Variants in CELF4 observed in about 807,000 individuals in gnomAD.
The protein encoded by CELF4 is CUGBP Elav-like family member 4.
CELF4 carries 18 observed loss-of-function variants against 59.9 expected under a neutral mutation model. The ratio of observed to expected loss-of-function variants is 0.30; its 90% CI spans 0.21 to 0.45. The LOEUF is 0.45. Among genes scored for constraint, CELF4 ranks in the 20% least tolerant of loss-of-function variants. CELF4 has a pLI of 1.00. For missense variants in CELF4, 456 were observed against 689.0 expected, an observed-to-expected ratio of 0.66 and a Z score of 3.79; for synonymous variants, 261 against 267.1, an observed-to-expected ratio of 0.98 and a Z score of 0.22.
chr18:37,414,623 G>A (rs1295937630), intron 2 of CELF4, among the ~76,000 whole-genome samples: 4 of 148,034 alleles, frequency 2.7e-5, no homozygotes, highest in Non-Finnish European at 4.4e-5. Flanking sequence ...TCAGCCTCCC[G>A]AGTAGCTGGG....
intron 1 of CELF4, among the ~76,000 whole-genome samples, chr18:37,557,622 A>T (rs1031473367): frequency 1.3e-5 from 2 of 152,220 alleles, no homozygotes; most frequent in Admixed American, 6.5e-5. Flanking sequence ...AGCAGAGTGC[A>T]TTGCAATAAA....
chr18:37,251,461 G>T (rs58298238), intron 12 of CELF4, among the ~76,000 whole-genome samples: 16,173 of 152,114 alleles, frequency 0.11, 1,090 homozygotes, highest in Non-Finnish European at 0.13. Context: ...TTTTATCCTG[G>T]CTTGAGCCAA....
chr18:37,416,660 G>A (rs1357101001), intron 2 of CELF4, among the ~76,000 whole-genome samples: 1 of 152,176 alleles, frequency 6.6e-6, no homozygotes, highest in Non-Finnish European at 1.5e-5. Context: ...AGCCTGGGGG[G>A]CCTCTCTGTC....
At chr18:37,315,533 A>G (rs2096837639) in intron 3 of CELF4, among the ~76,000 whole-genome samples, 1 of 152,138 alleles carries the variant, frequency 6.6e-6, no homozygotes, top group Admixed American at 6.5e-5. Context: ...ACCTCCTAGC[A>G]GTAACCATCA....
At chr18:37,359,071 C>T (rs2154558822) in intron 2 of CELF4, among the ~76,000 whole-genome samples, 1 of 152,150 alleles carries the variant, frequency 6.6e-6, no homozygotes, top group East Asian at 1.9e-4. Flanking sequence ...GTACTCCAGC[C>T]TGGGCGACAC....
intron 1 of CELF4, among the ~76,000 whole-genome samples, chr18:37,517,394 G>T (rs759318999): frequency 6.6e-6 from 1 of 152,066 alleles, no homozygotes; most frequent in Non-Finnish European, 1.5e-5. Flanking sequence ...GGTTCCCAGG[G>T]TGGCTTTTGG....
chr18:37,401,009 T>G (rs1180756145), intron 2 of CELF4, among the ~76,000 whole-genome samples: 2 of 152,152 alleles, frequency 1.3e-5, no homozygotes, highest in African/African-American at 4.8e-5. Context: ...GCAGGGGCCC[T>G]GGGGGCTGGC....
intron 3 of CELF4, among the ~76,000 whole-genome samples, chr18:37,308,007 G>A (rs900798893): frequency 6.6e-6 from 1 of 152,086 alleles, no homozygotes; most frequent in Admixed American, 6.5e-5. Context: ...AGGTCTGGAG[G>A]CAGCAGGTCC....
At chr18:37,556,877 G>C (rs112657547) in intron 1 of CELF4, among the ~76,000 whole-genome samples, 7 of 152,216 alleles carry the variant, frequency 4.6e-5, no homozygotes, top group African/African-American at 1.2e-4. Flanking sequence ...TGACTCCAAG[G>C]GTTGCTTTCA....
chr18:37,513,900 A>G (rs1182718818), intron 1 of CELF4, among the ~76,000 whole-genome samples: 1 of 151,192 alleles, frequency 6.6e-6, no homozygotes, highest in Non-Finnish European at 1.5e-5. Flanking sequence ...TGATGGGTCC[A>G]TGAGGCCCTA....
At chr18:37,521,317 G>C (rs1252524204) in intron 1 of CELF4, among the ~76,000 whole-genome samples, 2 of 152,088 alleles carry the variant, frequency 1.3e-5, no homozygotes, top group African/African-American at 4.8e-5. Context: ...ACTGTGGCAA[G>C]TAATAATGGT....
chr18:37,508,800 G>A (rs2099941073), intron 1 of CELF4, among the ~76,000 whole-genome samples: 1 of 152,232 alleles, frequency 6.6e-6, no homozygotes, highest in South Asian at 2.1e-4. Context: ...GTGGAAGCAG[G>A]AGGGAGGCCT....
chr18:37,289,194 G>A (rs1490573009), intron 3 of CELF4, among the ~76,000 whole-genome samples: 1 of 152,114 alleles, frequency 6.6e-6, no homozygotes, highest in African/African-American at 2.4e-5. Context: ...GGCTGGCAGA[G>A]GGGGCAGTAC....
intron 1 of CELF4, among the ~76,000 whole-genome samples, chr18:37,502,327 G>T (rs929530936): frequency 6.6e-6 from 1 of 151,958 alleles, no homozygotes; most frequent in East Asian, 1.9e-4. Context: ...ACTGGGAACC[G>T]ACAGCCGCAA....
At chr18:37,450,686 C>T (rs1457710820) in intron 2 of CELF4, among the ~76,000 whole-genome samples, 2 of 152,090 alleles carry the variant, frequency 1.3e-5, no homozygotes, top group African/African-American at 2.4e-5. Context: ...CTCGCTGACC[C>T]TACGGGGCAC....
intron 2 of CELF4, among the ~76,000 whole-genome samples, chr18:37,481,110 A>G (rs2154603007): frequency 6.6e-6 from 1 of 152,284 alleles, no homozygotes; most frequent in East Asian, 1.9e-4. Context: ...CATGTCTGCC[A>G]GGCTGACGCG....
intron 1 of CELF4, among the ~76,000 whole-genome samples, chr18:37,551,317 T>C (rs1477703557): frequency 1.3e-5 from 2 of 152,306 alleles, no homozygotes; most frequent in Middle Eastern, 6.8e-3. Context: ...ACCTCAGCCA[T>C]GACTGCCCCC....
At chr18:37,555,733 A>G (rs1232075901) in intron 1 of CELF4, among the ~76,000 whole-genome samples, 1 of 152,174 alleles carries the variant, frequency 6.6e-6, no homozygotes, top group Non-Finnish European at 1.5e-5. Flanking sequence ...TTGCTTTAAG[A>G]GGTATTGATA....
At chr18:37,316,384 C>T (rs2096871096) in intron 3 of CELF4, among the ~76,000 whole-genome samples, 2 of 152,168 alleles carry the variant, frequency 1.3e-5, no homozygotes, top group Non-Finnish European at 2.9e-5. Flanking sequence ...ATCCCCCATG[C>T]AGACAGATGA....
Sources: allele counts gnomAD v4.1 joint callset (sites outside exome capture counted in the v4.1 genomes callset), GRCh38; gene constraint gnomAD v4.1.1; transcripts MANE v1.5; gene names NCBI Gene and HGNC (gene_info 2026-07-23, HGNC 2026-07-21).